CLINT1: variants seen among roughly 807,000 people sequenced by gnomAD.
CLINT1 encodes the protein clathrin interacting protein localized in the trans-Golgi region.
In CLINT1, 15 loss-of-function variants were observed where a neutral mutation model predicts 70.4. The observed-to-expected ratio is 0.21, with a 90% confidence interval of 0.14 to 0.33. The LOEUF is 0.33. CLINT1 is among the 10% of genes least tolerant of loss of function. The pLI, the probability that CLINT1 is intolerant of heterozygous loss-of-function variation, is 1.00. For missense variants in CLINT1, 615 were observed against 778.1 expected (o/e 0.79, Z 2.49); for synonymous variants, 227 against 254.7 (o/e 0.89, Z 1.04).
At chr5:157,820,590 C>T (rs532457504) in intron 1 of CLINT1, among the ~76,000 whole-genome samples, 2 of 152,298 alleles carry the variant, frequency 1.3e-5, no homozygotes, top group Admixed American at 6.5e-5. Flanking sequence ...TGGCCTTATT[C>T]CAGGTCATTT....
At chr5:157,802,962 T>C (rs1762273667) in intron 8 of CLINT1, among the ~76,000 whole-genome samples, 1 of 152,262 alleles carries the variant, frequency 6.6e-6, no homozygotes. Flanking sequence ...TAATGATTAT[T>C]TTCTCCACTT....
intron 1 of CLINT1, among the ~76,000 whole-genome samples, chr5:157,843,572 C>T (rs1457051494): frequency 1.3e-5 from 2 of 152,180 alleles, no homozygotes; most frequent in Non-Finnish European, 2.9e-5. Flanking sequence ...TATCTTGACT[C>T]ACGTCCCTCC....
At chr5:157,850,255 T>A (rs890271345) in intron 1 of CLINT1, among the ~76,000 whole-genome samples, 1 of 152,162 alleles carries the variant, frequency 6.6e-6, no homozygotes, top group African/African-American at 2.4e-5. Context: ...TTTTACATGC[T>A]TAGTGAGAAA....
intron 4 of CLINT1, 76 bp from the exon 5 acceptor site, chr5:157,813,303 A>G (rs1762616473): frequency 7.5e-7 from 1 of 1,329,010 alleles, no homozygotes; most frequent in Admixed American, 2.6e-5. Context: ...ATTAAAAAAA[A>G]GACACAAAAA....
intron 1 of CLINT1, among the ~76,000 whole-genome samples, chr5:157,839,407 C>T (rs1451482989): frequency 6.6e-6 from 1 of 152,060 alleles, no homozygotes; most frequent in Non-Finnish European, 1.5e-5. Flanking sequence ...TCAGGACCAA[C>T]TTGGCCAACA....
chr5:157,826,065 A>C (rs1763026398), intron 1 of CLINT1, among the ~76,000 whole-genome samples: 2 of 152,170 alleles, frequency 1.3e-5, no homozygotes, highest in African/African-American at 4.8e-5. Flanking sequence ...TTGAGGAAGA[A>C]GGGAGAGGAG....
chr5:157,858,215 G>T (rs1215215631), intron 1 of CLINT1, among the ~76,000 whole-genome samples: 2 of 152,070 alleles, frequency 1.3e-5, no homozygotes. Flanking sequence ...ATTTCTTAAT[G>T]ACCTCTTAAT....
chr5:157,788,968 G>GAAAAAAAAAAAAAAAAAAAAAAAAAA (rs58634730), intron 11 of CLINT1, among the ~76,000 whole-genome samples: 1 of 95,578 alleles, frequency 1.0e-5, no homozygotes. Flanking sequence ...CTCCATCTCA[G>GAAAAAAAAAAAAAAAAAAAAAAAAAA]AAAAAAAAAA....
intron 1 of CLINT1, among the ~76,000 whole-genome samples, chr5:157,838,125 T>TTG (rs1554102099): frequency 6.7e-6 from 1 of 149,568 alleles, no homozygotes; most frequent in East Asian, 1.9e-4. Flanking sequence ...TTTTTTTGTT[T>TTG]TTTTTTTTTT....
intron 3 of CLINT1, among the ~76,000 whole-genome samples, chr5:157,815,908 C>T (rs1171571766): frequency 9.2e-5 from 14 of 152,198 alleles, no homozygotes; most frequent in African/African-American, 2.9e-4. Flanking sequence ...AATGGGACCA[C>T]TGACATATAA....
Position 157,813,074 on chromosome 5 carries a change from C to T in CLINT1, c.506G>A (p.Gly169Glu). Residue 169 changes from glycine to glutamate, a missense_variant, in exon 5 of 12, where the codon GGA becomes GAA. Physicochemically the swap from Gly to Glu is moderately conservative, Grantham distance 98 (BLOSUM62 -2). Coordinates refer to ENST00000411809, the MANE Select transcript of CLINT1 (RefSeq NM_014666.4). ...TCTTTGATACTCACTGTATCTGAATCCTCCAACACTGTCTGAGGAAACCCC... is the reference window on the plus strand; with the variant it reads ...TCTTTGATACTCACTGTATCTGAATTCTCCAACACTGTCTGAGGAAACCCC... ...YVGVSSDSVGGFRYSERYDPE... is the reference protein window; with the variant it reads ...YVGVSSDSVGEFRYSERYDPE... 1 of 1,613,476 alleles carries T rather than the reference C, an allele frequency of 6.2e-7. No individual in the cohort carries two copies. Among genetic ancestry groups the T allele is most frequent in the Non-Finnish European group, 8.5e-7 (1 of 1,179,614 alleles).
intron 1 of CLINT1, among the ~76,000 whole-genome samples, chr5:157,852,557 A>C (rs1387697155): frequency 2.6e-5 from 4 of 152,258 alleles, no homozygotes; most frequent in East Asian, 1.9e-4. Context: ...CAGTAATAAC[A>C]GTAATAGATG....
At chr5:157,853,772 C>G (rs546846041) in intron 1 of CLINT1, among the ~76,000 whole-genome samples, 1 of 94,848 alleles carries the variant, frequency 1.1e-5, no homozygotes, top group African/African-American at 4.1e-5. Flanking sequence ...AGCGAGACAC[C>G]ATCTCAAAAA....
chr5:157,856,430 C>T (rs1463861300), intron 1 of CLINT1, among the ~76,000 whole-genome samples: 1 of 152,218 alleles, frequency 6.6e-6, no homozygotes, highest in Non-Finnish European at 1.5e-5. Flanking sequence ...AACCCCTAAC[C>T]TTTCTCTCAT....
In CLINT1 at chr5:157,787,804, G is replaced by A. The variant is rs1406219769; in HGVS notation, c.1720C>T (p.Gln574Ter). 1 of 1,613,854 alleles carries A rather than the reference G, an allele frequency of 6.2e-7. No homozygotes were observed. The highest frequency in any genetic ancestry group is 8.5e-7 in the Non-Finnish European group (1 of 1,179,882). ...APLGNTPMMNQSMMGMNMNIG... is the reference protein window; with the variant it reads ...APLGNTPMMN ...TTCATGTTCATGCCCATCATGCTCT[G>A]GTTCATCATCGGAGTATTTCCAAGA... Residue 574 changes from glutamine (Q) to a stop codon, truncating the protein, a stop_gained, in exon 12 of 12, where the codon CAG (glutamine) becomes TAG (stop). Transcript: ENST00000411809. LOFTEE classifies it high-confidence loss of function.
At chr5:157,826,350 T>C (rs1454220331) in intron 1 of CLINT1, among the ~76,000 whole-genome samples, 1 of 152,178 alleles carries the variant, frequency 6.6e-6, no homozygotes, top group Non-Finnish European at 1.5e-5. Context: ...ACTTCATAAA[T>C]TTACTGATTC....
chr5:157,812,755 CT>C (rs1436287019), intron 5 of CLINT1, among the ~76,000 whole-genome samples: 2 of 152,256 alleles, frequency 1.3e-5, no homozygotes, highest in Admixed American at 1.3e-4. Context: ...TTTCTTCCCC[CT>C]TCTTTTTAAA....
intron 1 of CLINT1, among the ~76,000 whole-genome samples, chr5:157,842,157 T>C (rs1753210280): frequency 6.6e-6 from 1 of 152,212 alleles, no homozygotes; most frequent in African/African-American, 2.4e-5. Context: ...TAAAATCTTA[T>C]TTTATAGTTA....
At chr5:157,793,548 T>C (rs563514299) in intron 9 of CLINT1, among the ~76,000 whole-genome samples, 1 of 152,312 alleles carries the variant, frequency 6.6e-6, no homozygotes, top group South Asian at 2.1e-4. Flanking sequence ...ATGTATCACT[T>C]AGGCAACATT....
Sources: gnomAD v4.1 joint callset for allele counts (sites outside exome capture counted in the v4.1 genomes callset) on GRCh38, gnomAD v4.1.1 for gene constraint, MANE v1.5 for transcripts, NCBI Gene and HGNC (gene_info 2026-07-23, HGNC 2026-07-21) for gene names.